The following SLC1A2 variants were observed in gnomAD, a reference collection of about 807,000 sequenced individuals.
The protein encoded by SLC1A2 is solute carrier family 1 member 2.
Under a neutral mutation model 48.8 loss-of-function variants are expected in SLC1A2, and 15 were observed. The ratio of observed to expected loss-of-function variants is 0.31; its 90% CI spans 0.21 to 0.47. The LOEUF (loss-of-function observed/expected upper bound fraction) is 0.47. Among genes scored for constraint, SLC1A2 ranks in the 20% least tolerant of loss-of-function variants. The pLI is 0.99. For synonymous variants in SLC1A2, 279 were observed against 272.6 expected (o/e 1.02, Z -0.23); for missense variants, 502 against 730.5 (o/e 0.69, Z 3.61).
At position 35,286,958 on chromosome 11, in the gene SLC1A2, A is replaced by G; in HGVS notation, c.1092-7T>C. 1.2e-6 allele frequency: 2 copies of G among 1,612,644 alleles called. No individual in the cohort carries two copies. Among genetic ancestry groups the G allele is most frequent in the Non-Finnish European group, 1.7e-6 (2 of 1,178,750 alleles). ...GACAGGCAAAGTTCCAGCACTGAGA[A>G]CAAAGAGAAAGAGAGAGACAGGGTT... On this transcript the variant is annotated splice_polypyrimidine_tract_variant and splice_region_variant and intron_variant, in intron 7 of 10. Transcript: ENST00000278379.
chr11:35,390,383 A>G (rs1254305617), intron 1 of SLC1A2, among the ~76,000 whole-genome samples: 1 of 151,932 alleles, frequency 6.6e-6, no homozygotes, highest in Non-Finnish European at 1.5e-5. Flanking sequence ...ATTCTCCTCC[A>G]TTTCATTTTT....
At chr11:35,284,710 T>C (rs1850756478) in intron 8 of SLC1A2, among the ~76,000 whole-genome samples, 1 of 152,174 alleles carries the variant, frequency 6.6e-6, no homozygotes, top group East Asian at 1.9e-4. Flanking sequence ...AAAAATGTCC[T>C]TGAGCTGGTT....
intron 1 of SLC1A2, among the ~76,000 whole-genome samples, chr11:35,396,341 GTT>G (rs1854956680): frequency 8.0e-6 from 1 of 125,450 alleles, no homozygotes; most frequent in Non-Finnish European, 1.6e-5. Flanking sequence ...AGCACCTGTT[GTT>G]TCCTGACTTT....
At chr11:35,394,157 T>TACCC (rs932267774) in intron 1 of SLC1A2, among the ~76,000 whole-genome samples, 1 of 152,044 alleles carries the variant, frequency 6.6e-6, no homozygotes, top group African/African-American at 2.4e-5. Context: ...AAACTCCTCC[T>TACCC]ACCCACCCAC....
At chr11:35,348,483 A>G (rs1288882108) in intron 1 of SLC1A2, among the ~76,000 whole-genome samples, 3 of 152,210 alleles carry the variant, frequency 2.0e-5, no homozygotes, top group Admixed American at 6.5e-5. Flanking sequence ...CTCCTGACAT[A>G]GATGGGAGGA....
intron 1 of SLC1A2, among the ~76,000 whole-genome samples, chr11:35,350,809 C>T (rs953043971): frequency 1.2e-4 from 18 of 152,180 alleles, no homozygotes; most frequent in African/African-American, 4.1e-4. Context: ...GAACCCAAAT[C>T]TCCTACCAGG....
intron 1 of SLC1A2, among the ~76,000 whole-genome samples, chr11:35,347,230 C>T (rs548505929): frequency 4.6e-5 from 7 of 152,088 alleles, no homozygotes; most frequent in Non-Finnish European, 7.4e-5. Flanking sequence ...GCCATGAGAG[C>T]GAGAAGAAGT....
rs1313817205 is a variant in SLC1A2, at chr11:35,281,462, G to C, written c.1287-461C>G. Reference sequence around the variant, plus strand: ...AGGGTCTAAGAAGGCCATTGCCAAGGTTAACATGAGAACTCAGAATAGCAA... The same window carrying C: ...AGGGTCTAAGAAGGCCATTGCCAAGCTTAACATGAGAACTCAGAATAGCAA... On this transcript the variant is annotated intron_variant, in intron 8 of 10. Coordinates refer to ENST00000278379, the MANE Select transcript of SLC1A2 (RefSeq NM_004171.4). Among the ~76,000 whole-genome samples the C allele has an allele frequency of 3.3e-5, 5 of 152,218 alleles. No individual in the cohort carries two copies. The South Asian group carries it at 1.0e-3, about 32-fold the overall frequency.
At chr11:35,263,196 T>C (rs1401223948) in intron 10 of SLC1A2, among the ~76,000 whole-genome samples, 1 of 152,196 alleles carries the variant, frequency 6.6e-6, no homozygotes, top group Non-Finnish European at 1.5e-5. Flanking sequence ...CCAGGTGCAG[T>C]GGCTCACGCC....
chr11:35,286,763 G>T lies in SLC1A2; in HGVS notation c.1280C>A (p.Thr427Asn). The T allele has an allele frequency of 6.2e-7, 1 of 1,612,272 alleles. No individual in the cohort carries two copies. The highest frequency in any genetic ancestry group is 8.5e-7 in the Non-Finnish European group (1 of 1,179,020). The change falls in exon 8 of 11, where the codon ACT (threonine) becomes AAT (asparagine). Residue 427 changes from threonine (T) to asparagine (N), a missense_variant. This residue lies in a region of SLC1A2 where 309 missense variants were observed against 480.3 expected (regional missense o/e 0.64). Transcript: ENST00000278379. ...TTTACCCCACCCTTCTCACCTTACA[G>T]TCACAATCTGTCCTCCATCCAGGAC... The part of the protein sequence containing the change: ...GVVLDGGQIV[T>N]VSLTATLASV...
In SLC1A2 at chr11:35,351,486, G is replaced by T. The variant is rs1432296466; in HGVS notation, c.18-33970C>A. On this transcript the variant is annotated intron_variant, in intron 1 of 10. Coordinates refer to ENST00000278379, the MANE Select transcript of SLC1A2 (RefSeq NM_004171.4). ...CCCCACTCAGCTCAGGCCCTAAGGA[G>T]GTTTATAAGCTAAAAACAGTCTGGT... is the stretch of plus-strand genomic sequence containing the variant. Among the ~76,000 whole-genome samples the T allele has an allele frequency of 3.3e-5, 5 of 152,112 alleles. No individual in the cohort carries two copies. The East Asian group carries it at 9.6e-4, about 29-fold the overall frequency.
intron 1 of SLC1A2, among the ~76,000 whole-genome samples, chr11:35,373,778 C>A (rs1854135297): frequency 6.6e-6 from 1 of 152,188 alleles, no homozygotes; most frequent in Admixed American, 6.5e-5. Flanking sequence ...ATTAACACAG[C>A]ATCCCAGAGT....
chr11:35,370,807 C>G (rs1197359280), intron 1 of SLC1A2: 1 of 232,644 alleles, frequency 4.3e-6, no homozygotes, highest in Non-Finnish European at 7.0e-6. Context: ...CCCTCCCCAG[C>G]ATTGCAGCAG....
chr11:35,300,406 A>C (rs1851312924), intron 6 of SLC1A2, among the ~76,000 whole-genome samples: 1 of 152,232 alleles, frequency 6.6e-6, no homozygotes, highest in Non-Finnish European at 1.5e-5. Flanking sequence ...AGTGGTGTTA[A>C]GAGGTGAACC....
At chr11:35,310,722 G>A (rs1309663711) in intron 4 of SLC1A2, among the ~76,000 whole-genome samples, 1 of 152,164 alleles carries the variant, frequency 6.6e-6, no homozygotes, top group African/African-American at 2.4e-5. Context: ...GGAAACCGGG[G>A]TGTGCGGGAT....
chr11:35,337,044 A>C (rs758814075), intron 1 of SLC1A2, among the ~76,000 whole-genome samples: 1 of 152,136 alleles, frequency 6.6e-6, no homozygotes, highest in Non-Finnish European at 1.5e-5. Context: ...GTTGGAAATA[A>C]ATTTGGGGAA....
rs1294012835 is a variant in SLC1A2 at position 35,254,053 on chromosome 11, G to A, written c.*6841C>T. On this transcript the variant is annotated 3_prime_UTR_variant, in exon 11 of 11. Coordinates refer to ENST00000278379, the MANE Select transcript of SLC1A2 (RefSeq NM_004171.4). ...GGCTGGAGGAATTTGTGGATTTAGGGTGCAATACTGATCAGAGGGCAATAT... is the reference window on the plus strand; with the variant it reads ...GGCTGGAGGAATTTGTGGATTTAGGATGCAATACTGATCAGAGGGCAATAT... 1 of 152,408 alleles carries A rather than the reference G, an allele frequency of 6.6e-6. No individual in the cohort carries two copies. Among genetic ancestry groups the A allele is most frequent in the Non-Finnish European group, 1.5e-5 (1 of 68,028 alleles). 9.4% of individuals were successfully genotyped at this position (152,408 alleles called of 1,614,324 possible).
intron 10 of SLC1A2, chr11:35,265,262 G>A: frequency 1.9e-6 from 1 of 538,148 alleles, no homozygotes. Context: ...AAATGGGGTA[G>A]ATAGGGGAAC....
Position 35,253,530 on chromosome 11 carries a change from A to T in SLC1A2, c.*7364T>A, listed in dbSNP as rs1475050084. The stretch of plus-strand genomic sequence containing the variant: ...AAGCAAAATGAGAATGCTCAGCTGG[A>T]AAAACAAGGCCTGGTGTCAAACATT... On this transcript the variant is annotated 3_prime_UTR_variant, in exon 11 of 11. Transcript: ENST00000278379. 5 of 152,632 alleles carry T rather than the reference A, an allele frequency of 3.3e-5. No homozygotes were observed. Among genetic ancestry groups the T allele is most frequent in the African/African-American group, 1.2e-4 (5 of 41,450 alleles). The allele number at this position is 152,632 out of a possible 1,614,324, so 9.5% of individuals were successfully genotyped here.
Sources: allele counts gnomAD v4.1 joint callset (sites outside exome capture counted in the v4.1 genomes callset), GRCh38; gene constraint gnomAD v4.1.1; regional missense constraint gnomAD v4.1.1; transcripts MANE v1.5; gene names NCBI Gene and HGNC (gene_info 2026-07-23, HGNC 2026-07-21).